The following RANBP17 variants were observed in gnomAD, a reference collection of about 807,000 sequenced individuals.
RANBP17 encodes ran-binding protein 17.
A neutral mutation model predicts 141.2 loss-of-function variants in RANBP17; 158 were observed. The observed-to-expected ratio is 1.12, with a 90% CI of 0.98 to 1.28. The LOEUF is 1.28. RANBP17 is among the 50% of genes most tolerant of loss of function. The pLI is 0.00. For synonymous variants in RANBP17, 430 were observed against 450.0 expected, an observed-to-expected ratio of 0.96 and a Z score of 0.56; for missense variants, 1,438 against 1,290.7, an observed-to-expected ratio of 1.11 and a Z score of -1.75.
chr5:171,009,038 C>T lies in RANBP17; in HGVS notation c.1710+40661C>T, dbSNP rs568248080. 4.9e-4 allele frequency among the ~76,000 whole-genome samples: 74 copies of T among 152,290 alleles called. 1 individual carries two copies. The South Asian group carries it at 0.014, about 30-fold the overall frequency. On this transcript the variant is annotated intron_variant, in intron 14 of 27. Transcript: ENST00000523189. ...GCACTGCTAAATGTTCATTTCAATGCCATGGCTTGGGCATGTTATCTCCAA... is the reference window on the plus strand; with the variant it reads ...GCACTGCTAAATGTTCATTTCAATGTCATGGCTTGGGCATGTTATCTCCAA...
chr5:171,011,746 A>C (rs1780051253), intron 14 of RANBP17, among the ~76,000 whole-genome samples: 1 of 151,992 alleles, frequency 6.6e-6, no homozygotes, highest in South Asian at 2.1e-4. Flanking sequence ...ACGCAATACT[A>C]TGATTACACT....
At chr5:171,231,365 C>G (rs1185734166) in intron 22 of RANBP17, among the ~76,000 whole-genome samples, 1 of 152,064 alleles carries the variant, frequency 6.6e-6, no homozygotes. Context: ...TTTATATTAT[C>G]ACACAAAGAA....
At chr5:171,277,487 G>C (rs1767562689) in intron 25 of RANBP17, among the ~76,000 whole-genome samples, 2 of 150,270 alleles carry the variant, frequency 1.3e-5, no homozygotes, top group Admixed American at 1.3e-4. Context: ...TTCCTGCAGG[G>C]TTTCTGGGAC....
chr5:171,290,894 A>G (rs533621825), intron 25 of RANBP17, among the ~76,000 whole-genome samples: 1 of 152,248 alleles, frequency 6.6e-6, no homozygotes, highest in African/African-American at 2.4e-5. Context: ...CAAGCACAGT[A>G]TCAAATGCTT....
chr5:170,941,310 A>G (rs1424622938), intron 12 of RANBP17, among the ~76,000 whole-genome samples: 3 of 152,188 alleles, frequency 2.0e-5, no homozygotes, highest in East Asian at 3.9e-4. Flanking sequence ...CAGAAGTTAG[A>G]TCTTTAAAAA....
chr5:171,005,226 A>C (rs1779510122), intron 14 of RANBP17, among the ~76,000 whole-genome samples: 1 of 152,228 alleles, frequency 6.6e-6, no homozygotes, highest in African/African-American at 2.4e-5. Flanking sequence ...CTTTCTTCAC[A>C]GAATTGGAAA....
intron 14 of RANBP17, among the ~76,000 whole-genome samples, chr5:171,043,817 TAAAGAA>T (rs918596075): frequency 3.3e-5 from 5 of 152,132 alleles, no homozygotes; most frequent in Admixed American, 3.3e-4. Context: ...TGCTATGAGA[TAAAGAA>T]AAAGTCTTAA....
chr5:171,188,792 A>C (rs1275694516), intron 18 of RANBP17, among the ~76,000 whole-genome samples: 3 of 152,230 alleles, frequency 2.0e-5, no homozygotes, highest in Non-Finnish European at 2.9e-5. Context: ...GAGCCTGCAC[A>C]CAGCCCCAAC....
intron 3 of RANBP17, among the ~76,000 whole-genome samples, chr5:170,882,108 A>G (rs1768750052): frequency 6.6e-6 from 1 of 152,124 alleles, no homozygotes; most frequent in African/African-American, 2.4e-5. Flanking sequence ...TTTTTGAGAC[A>G]GAGTCTTGCT....
rs531866974 is a variant in RANBP17, at chr5:171,154,752, T to C, written c.1711-15378T>C. On this transcript the variant is annotated intron_variant, in intron 14 of 27. Coordinates refer to ENST00000523189, the MANE Select transcript of RANBP17 (RefSeq NM_022897.5). ...CATTTAACTGTATAACCTCAAGAAATCTAACCACTATTTGATTTTGCCATC... is the reference window on the plus strand; with the variant it reads ...CATTTAACTGTATAACCTCAAGAAACCTAACCACTATTTGATTTTGCCATC... Among the ~76,000 whole-genome samples the C allele has an allele frequency of 3.3e-5, 5 of 152,148 alleles. No homozygotes were observed. In the South Asian group the frequency reaches 1.0e-3, roughly 32 times the overall value.
intron 14 of RANBP17, among the ~76,000 whole-genome samples, chr5:171,104,103 T>C (rs964521310): frequency 2.0e-5 from 3 of 152,224 alleles, no homozygotes; most frequent in Admixed American, 2.0e-4. Context: ...AATGGCACAA[T>C]CTCGGCTCAC....
intron 14 of RANBP17, among the ~76,000 whole-genome samples, chr5:171,158,867 T>C: frequency 6.6e-6 from 1 of 152,164 alleles, no homozygotes; most frequent in Non-Finnish European, 1.5e-5. Flanking sequence ...TCTCTAACCT[T>C]CCTAAAGATT....
chr5:171,041,525 T>C (rs560701395), intron 14 of RANBP17, among the ~76,000 whole-genome samples: 1 of 152,128 alleles, frequency 6.6e-6, no homozygotes, highest in Non-Finnish European at 1.5e-5. Context: ...TTAGGCAATT[T>C]TGTTGTTGTG....
chr5:170,920,353 T>A (rs1028240912), intron 11 of RANBP17, among the ~76,000 whole-genome samples: 1 of 152,194 alleles, frequency 6.6e-6, no homozygotes, highest in African/African-American at 2.4e-5. Context: ...AAAATTTTAC[T>A]CATTCTAATA....
intron 18 of RANBP17, 24 bp downstream of exon 18, chr5:171,183,454 AT>A: frequency 2.0e-6 from 3 of 1,464,386 alleles, no homozygotes; most frequent in Non-Finnish European, 2.9e-6. Flanking sequence ...TTTAAACTCA[AT>A]TAATAAGGGA....
chr5:171,002,166 G>A (rs540889426), intron 14 of RANBP17, among the ~76,000 whole-genome samples: 1 of 152,090 alleles, frequency 6.6e-6, no homozygotes, highest in Non-Finnish European at 1.5e-5. Context: ...CATGGAAGAG[G>A]TTATGAAATG....
At chr5:171,189,991 C>G (rs1342928190) in intron 18 of RANBP17, among the ~76,000 whole-genome samples, 2 of 150,782 alleles carry the variant, frequency 1.3e-5, no homozygotes, top group African/African-American at 4.9e-5. Flanking sequence ...AAAAAAAAGA[C>G]AAACTTTTTA....
intron 14 of RANBP17, among the ~76,000 whole-genome samples, chr5:171,009,298 A>T (rs1165939664): frequency 6.6e-6 from 1 of 152,236 alleles, no homozygotes; most frequent in Non-Finnish European, 1.5e-5. Context: ...GATAATAAAT[A>T]TAAAGAGTGT....
rs1179759502 is a variant in RANBP17, at chr5:171,296,029, G to A, written c.3170+15G>A. Reference sequence around the variant, plus strand: ...AACAGAGACAGGTGAGCATTGCCCAGTAGTGTGTCACTGGGGGAAGTAGAC... The same window carrying A: ...AACAGAGACAGGTGAGCATTGCCCAATAGTGTGTCACTGGGGGAAGTAGAC... On this transcript the variant is annotated intron_variant, in intron 27 of 27. Transcript: ENST00000523189. 2 of 1,609,630 alleles carry A rather than the reference G, an allele frequency of 1.2e-6. No homozygotes were observed. The highest frequency in any genetic ancestry group is 2.2e-5 in the East Asian group (1 of 44,762).
Sources: allele counts gnomAD v4.1 joint callset (sites outside exome capture counted in the v4.1 genomes callset), GRCh38; gene constraint gnomAD v4.1.1; transcripts MANE v1.5; gene names NCBI Gene and HGNC (gene_info 2026-07-23, HGNC 2026-07-21).